Variants in MARCHF10 observed in about 807,000 individuals in gnomAD.
The protein encoded by MARCHF10 is membrane associated ring-CH-type finger 10.
In MARCHF10, 64 loss-of-function variants were observed where a neutral mutation model predicts 76.2. The observed-to-expected ratio is 0.84, with a 90% CI of 0.69 to 1.03. The LOEUF (loss-of-function observed/expected upper bound fraction) is 1.03, where lower values mean the gene tolerates loss of function less well. Ranked by LOEUF, MARCHF10 falls within the 50% of genes least tolerant of loss-of-function variation. The pLI, the probability that MARCHF10 is intolerant of heterozygous loss-of-function variation, is 0.00. For synonymous variants in MARCHF10, 340 were observed against 357.5 expected (o/e 0.95, Z 0.55); for missense variants, 875 against 958.0 (o/e 0.91, Z 1.14).
In MARCHF10 at chr17:62,701,794, G is replaced by A. The variant is rs372368836; in HGVS notation, c.2372-36C>T. The A allele has an allele frequency of 6.6e-4, 1,059 of 1,613,210 alleles. 3 individuals are homozygous for A. The highest frequency in any genetic ancestry group is 1.3e-3 in the Middle Eastern group (8 of 5,942). On this transcript the variant is annotated intron_variant, in intron 10 of 10. Coordinates refer to ENST00000311269, the MANE Select transcript of MARCHF10 (RefSeq NM_152598.4). ...AGAAGGTGTTTCAGGCTGGAGGGCC[G>A]CAGCAGACCGTGGGTCTGTTACAGG...
intron 3 of MARCHF10, among the ~76,000 whole-genome samples, chr17:62,765,867 G>T (rs1286795295): frequency 6.6e-6 from 1 of 152,086 alleles, no homozygotes; most frequent in Non-Finnish European, 1.5e-5. Flanking sequence ...GTGCGAGGAC[G>T]AAAAGGAAGC....
At chr17:62,701,874 C>T in intron 10 of MARCHF10, 116 bp from the exon 11 acceptor site, 1 of 1,330,952 alleles carries the variant, frequency 7.5e-7, no homozygotes, top group East Asian at 2.3e-5. Flanking sequence ...GCCCAGCCAC[C>T]CACATGGCCA....
chr17:62,774,493 G>A (rs1175684675), intron 3 of MARCHF10, among the ~76,000 whole-genome samples: 1 of 152,168 alleles, frequency 6.6e-6, no homozygotes, highest in East Asian at 1.9e-4. Context: ...AGCCTGGTGG[G>A]CAGTGGTCTG....
chr17:62,759,716 C>T (rs572206987), intron 4 of MARCHF10, 119 bp downstream of exon 4: 20 of 987,638 alleles, frequency 2.0e-5, no homozygotes, highest in Admixed American at 5.1e-5. Flanking sequence ...AGTGATCCGC[C>T]GGCCTCAGCC....
chr17:62,736,997 T>G lies in MARCHF10; in HGVS notation c.871A>C (p.Thr291Pro), dbSNP rs1238545264. 1 of 1,614,212 alleles carries G rather than the reference T, an allele frequency of 6.2e-7. No homozygotes were observed. Among genetic ancestry groups the G allele is most frequent in the Admixed American group, 1.7e-5 (1 of 60,026 alleles). The change falls in exon 6 of 11, where the codon ACT becomes CCT. Residue 291 changes from threonine to proline, a missense_variant. Thr to Pro is a conservative substitution (Grantham distance 38). Transcript: ENST00000311269. ...TCTTCAGACTGGGTTTCCTCTTCAGTGTCATCGCTTTCTCTTCTGCTGTTC... is the reference window on the plus strand; with the variant it reads ...TCTTCAGACTGGGTTTCCTCTTCAGGGTCATCGCTTTCTCTTCTGCTGTTC... Reference protein sequence around the residue: ...SLNSRRESDDTEEETQSEECL... With the variant: ...SLNSRRESDDPEEETQSEECL...
At chr17:62,765,657 T>C (rs2092312753) in intron 3 of MARCHF10, among the ~76,000 whole-genome samples, 1 of 152,148 alleles carries the variant, frequency 6.6e-6, no homozygotes, top group South Asian at 2.1e-4. Flanking sequence ...ACGGCCAGAG[T>C]GAAACTTCGC....
At chr17:62,726,923 C>A (rs978401293) in intron 6 of MARCHF10, among the ~76,000 whole-genome samples, 5 of 152,156 alleles carry the variant, frequency 3.3e-5, no homozygotes, top group South Asian at 2.1e-4. Context: ...AGCCACCACA[C>A]CTGGCCTAGA....
chr17:62,723,945 G>A (rs1328814113), intron 7 of MARCHF10, among the ~76,000 whole-genome samples: 11 of 152,114 alleles, frequency 7.2e-5, no homozygotes, highest in African/African-American at 2.4e-4. Context: ...ATTACCCCAC[G>A]TGTTCATTCT....
intron 4 of MARCHF10, among the ~76,000 whole-genome samples, chr17:62,758,375 A>G (rs920467454): frequency 3.3e-5 from 5 of 152,162 alleles, no homozygotes; most frequent in African/African-American, 1.2e-4. Context: ...CAAAAACAAC[A>G]ACAACAAAAA....
At chr17:62,774,679 T>C (rs1295464973) in intron 3 of MARCHF10, among the ~76,000 whole-genome samples, 1 of 152,158 alleles carries the variant, frequency 6.6e-6, no homozygotes, top group Non-Finnish European at 1.5e-5. Flanking sequence ...CTTCCTCCTG[T>C]AACGTCCTCT....
At chr17:62,713,949 A>G (rs1230316576) in intron 8 of MARCHF10, among the ~76,000 whole-genome samples, 5 of 152,262 alleles carry the variant, frequency 3.3e-5, no homozygotes, top group African/African-American at 1.2e-4. Context: ...TTAGGCCAAG[A>G]GACTTGCTAC....
chr17:62,756,152 G>C (rs2092035120), intron 4 of MARCHF10, among the ~76,000 whole-genome samples: 1 of 152,208 alleles, frequency 6.6e-6, no homozygotes, highest in Non-Finnish European at 1.5e-5. Flanking sequence ...GGAGGCTGAG[G>C]CAGGATAATT....
intron 9 of MARCHF10, among the ~76,000 whole-genome samples, chr17:62,709,201 C>T (rs1474603938): frequency 2.6e-5 from 4 of 152,138 alleles, no homozygotes; most frequent in African/African-American, 9.7e-5. Context: ...ATTTGTCAGC[C>T]GGGCACGGGG....
At chr17:62,737,415 C>G in intron 5 of MARCHF10, 83 bp from the exon 6 acceptor site, 1 of 1,304,544 alleles carries the variant, frequency 7.7e-7, no homozygotes, top group South Asian at 1.3e-5. Flanking sequence ...CAAAATTGCC[C>G]TTTAAATGCA....
At chr17:62,790,328 A>G (rs1185987207) in intron 2 of MARCHF10, among the ~76,000 whole-genome samples, 1 of 152,088 alleles carries the variant, frequency 6.6e-6, no homozygotes, top group Non-Finnish European at 1.5e-5. Context: ...GGAGTGTGCC[A>G]CCACGCCCAG....
chr17:62,726,917 A>T (rs543031776), intron 6 of MARCHF10, among the ~76,000 whole-genome samples: 1 of 152,328 alleles, frequency 6.6e-6, no homozygotes, highest in Non-Finnish European at 1.5e-5. Context: ...GGTGTGAGCC[A>T]CCACACCTGG....
At chr17:62,735,164 G>A (rs1375644982) in intron 6 of MARCHF10, 9 of 152,078 alleles carry the variant, frequency 5.9e-5, no homozygotes, top group African/African-American at 2.2e-4. Context: ...CACAAAGAGG[G>A]CTCAAATTCC....
In MARCHF10 at chr17:62,711,953, T is replaced by G. The variant is rs1029400942; in HGVS notation, c.2215-609A>C. ...AACGTTTCCGCTTTCTCTTGAGGAG[T>G]GGGCTGTGCTTTTTTTCTCGCTGGT... On this transcript the variant is annotated intron_variant, in intron 8 of 10. Transcript: ENST00000311269. The surrounding 1 kb of genome is among the most constrained non-coding windows in gnomAD (Gnocchi z 4.4). 6.6e-6 allele frequency among the ~76,000 whole-genome samples: 1 copy of G among 152,168 alleles called. No homozygotes were observed. The highest frequency in any genetic ancestry group is 2.4e-5 in the African/African-American group (1 of 41,428).
chr17:62,761,542 C>T (rs1043333586), intron 3 of MARCHF10, among the ~76,000 whole-genome samples: 23 of 152,252 alleles, frequency 1.5e-4, no homozygotes, highest in African/African-American at 5.5e-4. Context: ...CTGCCTCAGC[C>T]TCCTGAGTAG....
Sources: gnomAD v4.1 joint callset for allele counts (sites outside exome capture counted in the v4.1 genomes callset) on GRCh38, gnomAD v4.1.1 for gene constraint, Gnocchi (gnomAD v3.1) non-coding constraint, MANE v1.5 for transcripts, NCBI Gene and HGNC (gene_info 2026-07-23, HGNC 2026-07-21) for gene names.